The following DPP10 variants were observed in gnomAD, a reference collection of about 807,000 sequenced individuals.
DPP10 encodes the protein inactive dipeptidyl peptidase 10.
DPP10 carries 33 observed loss-of-function variants against 120.9 expected under a neutral mutation model. That is an observed-to-expected ratio of 0.27 (90% CI 0.21 to 0.37). The LOEUF (loss-of-function observed/expected upper bound fraction) is 0.37. Ranked by LOEUF, DPP10 falls within the 10% of genes least tolerant of loss-of-function variation. The pLI, the probability that DPP10 is intolerant of heterozygous loss-of-function variation, is 1.00. For missense variants in DPP10, 816 were observed against 942.8 expected (o/e 0.87, Z 1.76); for synonymous variants, 337 against 326.1 (o/e 1.03, Z -0.36).
chr2:115,703,855 A>T (rs2091991121), intron 7 of DPP10, among the ~76,000 whole-genome samples: 1 of 151,952 alleles, frequency 6.6e-6, no homozygotes, highest in Non-Finnish European at 1.5e-5. Context: ...AATAATAGCT[A>T]TTATTTTGTT....
intron 21 of DPP10, among the ~76,000 whole-genome samples, chr2:115,817,492 G>A (rs1296804268): frequency 6.6e-6 from 1 of 152,088 alleles, no homozygotes; most frequent in Non-Finnish European, 1.5e-5. Context: ...ACAAATCAGT[G>A]CAAATCACGA....
At chr2:114,916,013 C>T (rs868832526) in intron 1 of DPP10, among the ~76,000 whole-genome samples, 2 of 151,670 alleles carry the variant, frequency 1.3e-5, no homozygotes, top group Non-Finnish European at 2.9e-5. Context: ...GAAACTTACA[C>T]ATGAATCCAT....
At chr2:115,683,370 A>G (rs2149480004) in intron 5 of DPP10, among the ~76,000 whole-genome samples, 1 of 152,086 alleles carries the variant, frequency 6.6e-6, no homozygotes, top group South Asian at 2.1e-4. Context: ...TGGAACACAC[A>G]GAATTTTGGG....
intron 1 of DPP10, among the ~76,000 whole-genome samples, chr2:114,734,480 G>C (rs1478270842): frequency 6.6e-6 from 1 of 152,100 alleles, no homozygotes; most frequent in Non-Finnish European, 1.5e-5. Flanking sequence ...ACTTTGAGAA[G>C]TCCCGCCTTT....
chr2:115,470,317 A>G (rs1340406139), intron 3 of DPP10, among the ~76,000 whole-genome samples: 3 of 152,182 alleles, frequency 2.0e-5, no homozygotes, highest in Non-Finnish European at 4.4e-5. Flanking sequence ...AAAATTTTAG[A>G]GGACAACCCA....
At chr2:114,634,844 T>C (rs925954661) in intron 1 of DPP10, among the ~76,000 whole-genome samples, 3 of 151,918 alleles carry the variant, frequency 2.0e-5, no homozygotes, top group African/African-American at 7.3e-5. Flanking sequence ...CAGTTGTCAC[T>C]GAAGTATGTG....
chr2:115,244,208 ATG>A (rs1239393772), intron 1 of DPP10, among the ~76,000 whole-genome samples: 23 of 138,316 alleles, frequency 1.7e-4, no homozygotes, highest in African/African-American at 6.0e-4. Flanking sequence ...ATATATATAT[ATG>A]TGTGTGTATA....
chr2:114,686,552 C>CATGGCTCCA (rs765038864), intron 1 of DPP10, among the ~76,000 whole-genome samples: 61 of 152,024 alleles, frequency 4.0e-4, no homozygotes, highest in African/African-American at 1.2e-3. Context: ...TCTTCATCTC[C>CATGGCTCCA]ATGGCTCCAA....
chr2:115,649,065 G>A (rs1402636151), intron 5 of DPP10, among the ~76,000 whole-genome samples: 1 of 152,056 alleles, frequency 6.6e-6, no homozygotes, highest in African/African-American at 2.4e-5. Flanking sequence ...TTTCTGGGAA[G>A]AGAAAAACAA....
At chr2:115,782,249 C>A in intron 16 of DPP10, 103 bp from the exon 17 acceptor site, 2 of 949,864 alleles carry the variant, frequency 2.1e-6, no homozygotes, top group Non-Finnish European at 3.2e-6. Context: ...GTTTTAACCA[C>A]GAAGTGCTTC....
chr2:114,521,981 GTATTTTTTT>G (rs1685097642), intron 1 of DPP10, among the ~76,000 whole-genome samples: 2 of 66,050 alleles, frequency 3.0e-5, no homozygotes, highest in African/African-American at 5.4e-5. Context: ...CTAATTTTTT[GTATTTTTTT>G]TTTTTTTGAG....
At chr2:115,825,467 A>T (rs929962471) in intron 21 of DPP10, among the ~76,000 whole-genome samples, 1 of 152,214 alleles carries the variant, frequency 6.6e-6, no homozygotes, top group African/African-American at 2.4e-5. Context: ...GTCAGACTGT[A>T]TGCTTTGTCA....
intron 1 of DPP10, among the ~76,000 whole-genome samples, chr2:114,491,879 G>A (rs1329936782): frequency 6.6e-6 from 1 of 152,162 alleles, no homozygotes; most frequent in Non-Finnish European, 1.5e-5. Context: ...GCATGGTGGT[G>A]TCTTTCCCTT....
At chr2:115,490,430 A>C (rs907865604) in intron 3 of DPP10, among the ~76,000 whole-genome samples, 20 of 152,136 alleles carry the variant, frequency 1.3e-4, no homozygotes, top group Admixed American at 1.2e-3. Flanking sequence ...CCCCTGACAC[A>C]TGGGGATTAT....
At chr2:115,794,969 G>A (rs1019893445) in intron 19 of DPP10, among the ~76,000 whole-genome samples, 5 of 152,118 alleles carry the variant, frequency 3.3e-5, no homozygotes, top group Non-Finnish European at 7.4e-5. Context: ...GCATCTTGAA[G>A]TCTATAATAG....
At chr2:114,855,380 C>T (rs1259253343) in intron 1 of DPP10, among the ~76,000 whole-genome samples, 1 of 152,074 alleles carries the variant, frequency 6.6e-6, no homozygotes, top group East Asian at 1.9e-4. Flanking sequence ...AACAAATACA[C>T]CTTAATAGCA....
chr2:115,492,288 C>T (rs1345046398), intron 3 of DPP10, among the ~76,000 whole-genome samples: 2 of 152,076 alleles, frequency 1.3e-5, no homozygotes, highest in African/African-American at 4.8e-5. Context: ...TAAAAAAGAT[C>T]ACTCTTGTCA....
In DPP10 at chr2:114,941,695, A is replaced by G. The variant is rs1696912671; in HGVS notation, c.61-367544A>G. Among the ~76,000 whole-genome samples the G allele has an allele frequency of 2.0e-5, 3 of 152,176 alleles. 1 individual carries two copies. In the South Asian group the frequency reaches 6.2e-4, roughly 31 times the overall value. ...TTCAATGTCATGAAAATATGCTCTT[A>G]GCAGAAAACAATTAGCTGCCATTCA... On this transcript the variant is annotated intron_variant, in intron 1 of 25. Coordinates refer to ENST00000410059, the MANE Select transcript of DPP10 (RefSeq NM_020868.6).
chr2:114,577,227 G>C (rs534418843), intron 1 of DPP10, among the ~76,000 whole-genome samples: 38 of 152,196 alleles, frequency 2.5e-4, no homozygotes, highest in African/African-American at 8.7e-4. Flanking sequence ...GCAACCTTGC[G>C]AGATAGGTTA....
Sources: gnomAD v4.1 joint callset for allele counts (sites outside exome capture counted in the v4.1 genomes callset) on GRCh38, gnomAD v4.1.1 for gene constraint, MANE v1.5 for transcripts, NCBI Gene and HGNC (gene_info 2026-07-23, HGNC 2026-07-21) for gene names.